POU2F3: variants seen among roughly 807,000 people sequenced by gnomAD.
The protein encoded by POU2F3 is POU class 2 homeobox 3.
A neutral mutation model predicts 59.2 loss-of-function variants in POU2F3; 23 were observed. The observed-to-expected ratio is 0.39, with a 90% CI of 0.28 to 0.55. POU2F3 has a LOEUF of 0.55. POU2F3 is among the 20% of genes least tolerant of loss of function. The probability of loss-of-function intolerance (pLI) is 0.66; values close to 1 mark genes in which losing one functional copy is unlikely to be tolerated. For missense variants in POU2F3, 473 were observed against 544.5 expected, an observed-to-expected ratio of 0.87 and a Z score of 1.31; for synonymous variants, 190 against 214.6, an observed-to-expected ratio of 0.89 and a Z score of 1.00.
chr11:120,259,040 C>T (rs1413108519), intron 2 of POU2F3: 1 of 152,260 alleles, frequency 6.6e-6, no homozygotes, highest in Non-Finnish European at 1.5e-5. Context: ...ATGCTGGGCT[C>T]CTCTGTAGCA....
Position 120,302,132 on chromosome 11 carries a change from G to A in POU2F3, c.362-154G>A, listed in dbSNP as rs772315022. ...TATGTGGCAATGCCTGGCAGTGCTA[G>A]GAGGGCCTCTCCATGGGACTTGAGG... On this transcript the variant is annotated intron_variant, in intron 5 of 12. Transcript: ENST00000543440. 2.3e-4 allele frequency: 143 copies of A among 627,924 alleles called. 1 individual carries two copies. The highest frequency in any genetic ancestry group is 4.4e-4 in the Admixed American group (16 of 36,426). The allele number at this position is 627,924 out of a possible 1,614,324, so 38.9% of individuals were successfully genotyped here.
chr11:120,249,242 C>G (rs1018014839), intron 2 of POU2F3, among the ~76,000 whole-genome samples: 4 of 152,220 alleles, frequency 2.6e-5, no homozygotes, highest in Non-Finnish European at 5.9e-5. Context: ...AAGGGACCAG[C>G]CAAAGCTCAG....
chr11:120,248,333 C>G (rs1430821665), intron 2 of POU2F3, among the ~76,000 whole-genome samples: 2 of 152,192 alleles, frequency 1.3e-5, no homozygotes, highest in East Asian at 3.8e-4. Context: ...TGCTTACTGG[C>G]TGCATGACCT....
In POU2F3 at chr11:120,307,475, G is replaced by T. The variant is rs1200964772; in HGVS notation, c.770-4G>T. The T allele has an allele frequency of 6.2e-7, 1 of 1,614,002 alleles. No individual in the cohort carries two copies. The highest frequency in any genetic ancestry group is 8.5e-7 in the Non-Finnish European group (1 of 1,179,910). On this transcript the variant is annotated splice_polypyrimidine_tract_variant and splice_region_variant and intron_variant, in intron 8 of 12. Coordinates refer to ENST00000543440, the MANE Select transcript of POU2F3 (RefSeq NM_014352.4). The stretch of plus-strand genomic sequence containing the variant: ...GCTTCCTCTGGTCCTTCGTGTCCCT[G>T]CAGAGTCCTCTCCGTCAGACCCCTC...
chr11:120,307,171 G>A (rs764422528), intron 8 of POU2F3, among the ~76,000 whole-genome samples: 6 of 152,210 alleles, frequency 3.9e-5, no homozygotes, highest in Admixed American at 6.5e-5. Flanking sequence ...ACCGATGCAT[G>A]AGCATCCCTC....
intron 3 of POU2F3, among the ~76,000 whole-genome samples, chr11:120,282,749 A>G (rs1388864389): frequency 6.6e-6 from 1 of 152,258 alleles, no homozygotes; most frequent in Non-Finnish European, 1.5e-5. Flanking sequence ...AATATCATCT[A>G]TAGGCTTTGC....
At chr11:120,304,448 C>T (rs1037620100) in intron 6 of POU2F3, 2 of 151,544 alleles carry the variant, frequency 1.3e-5, no homozygotes, top group Admixed American at 6.6e-5. Context: ...TGATTAAAAA[C>T]AAAACACTTT....
Position 120,246,567 on chromosome 11 carries a change from G to A in POU2F3, c.97+50G>A, listed in dbSNP as rs756475041. 1.9e-6 allele frequency: 3 copies of A among 1,582,428 alleles called. No individual in the cohort carries two copies. In the African/African-American group the frequency reaches 4.0e-5, roughly 21 times the overall value. ...TGGAGGGGGTGGGGGGAAGAGAGTT[G>A]TTGGGAATTGTTGAACAACTGGTGT... On this transcript the variant is annotated intron_variant, in intron 2 of 12. Coordinates refer to ENST00000543440, the MANE Select transcript of POU2F3 (RefSeq NM_014352.4).
chr11:120,239,119 CA>C (rs1938572401), upstream of POU2F3, among the ~76,000 whole-genome samples: 1 of 152,112 alleles, frequency 6.6e-6, no homozygotes, highest in Non-Finnish European at 1.5e-5. Flanking sequence ...CAGGAAAGCC[CA>C]AAACCTGTTC....
At chr11:120,313,098 G>A (rs555405786) in intron 10 of POU2F3, among the ~76,000 whole-genome samples, 15 of 152,248 alleles carry the variant, frequency 9.9e-5, no homozygotes, top group Middle Eastern at 3.4e-3. Flanking sequence ...GGAATCATAG[G>A]CCTTGTTAAG....
At chr11:120,257,638 G>A (rs150162022) in intron 2 of POU2F3, among the ~76,000 whole-genome samples, 103 of 152,152 alleles carry the variant, frequency 6.8e-4, no homozygotes, top group Middle Eastern at 3.4e-3. Flanking sequence ...CCCTGGCAGC[G>A]TCACACCACG....
chr11:120,265,550 A>G (rs1390223873), intron 2 of POU2F3: 1 of 152,262 alleles, frequency 6.6e-6, no homozygotes, highest in East Asian at 1.9e-4. Flanking sequence ...TCAGGGTGAG[A>G]TGCCTCTTGA....
chr11:120,307,697 C>A (rs1941537304), intron 9 of POU2F3, 82 bp downstream of exon 9: 12 of 1,555,608 alleles, frequency 7.7e-6, no homozygotes, highest in African/African-American at 1.4e-5. Flanking sequence ...CCCTTGGCAC[C>A]AGCCCCTCCG....
chr11:120,269,069 A>C, intron 2 of POU2F3, 141 bp from the exon 3 acceptor site: 1 of 598,008 alleles, frequency 1.7e-6, no homozygotes. Context: ...CAGGTCGAGG[A>C]GGAGGATCCC....
intron 10 of POU2F3, among the ~76,000 whole-genome samples, chr11:120,310,696 G>A (rs1941628660): frequency 6.6e-6 from 1 of 152,206 alleles, no homozygotes. Context: ...ACTGTAAGAT[G>A]GGTGAAATGC....
At position 120,271,525 on chromosome 11, in the gene POU2F3, C is replaced by T. The variant is rs547838077; in HGVS notation, c.132+2281C>T. Among the ~76,000 whole-genome samples, 9 of 152,362 alleles carry T rather than the reference C, an allele frequency of 5.9e-5. No individual in the cohort carries two copies. In the East Asian group the frequency reaches 1.7e-3, roughly 29 times the overall value. On this transcript the variant is annotated intron_variant, in intron 3 of 12. Coordinates refer to ENST00000543440, the MANE Select transcript of POU2F3 (RefSeq NM_014352.4). ...CAGGGCCCACCTCTCCTGGCCCCAGCCCCTTGGGACAAGATGCACGGGGAG... is the reference window on the plus strand; with the variant it reads ...CAGGGCCCACCTCTCCTGGCCCCAGTCCCTTGGGACAAGATGCACGGGGAG...
At position 120,318,802 on chromosome 11, in the gene POU2F3, T is replaced by C. The variant is rs951408675; in HGVS notation, c.*410T>C. ...TGCCAAACACCAGAAGGGGAGATAA[T>C]AGTTTTGACTCTGAACTTGGCCACA... On this transcript the variant is annotated 3_prime_UTR_variant, in exon 13 of 13. Transcript: ENST00000543440. The C allele has an allele frequency of 1.0e-5, 2 of 191,970 alleles. No homozygotes were observed. Among genetic ancestry groups the C allele is most frequent in the African/African-American group, 4.7e-5 (2 of 42,358 alleles). The allele number at this position is 191,970 out of a possible 1,614,324, so 11.9% of individuals were successfully genotyped here. A position where few individuals can be genotyped will look rare whatever the true frequency, so the allele number is the denominator to read the frequency against.
At chr11:120,278,923 T>A (rs916228208) in intron 3 of POU2F3, among the ~76,000 whole-genome samples, 4 of 152,098 alleles carry the variant, frequency 2.6e-5, no homozygotes, top group African/African-American at 7.2e-5. Flanking sequence ...TAAAAAAAGA[T>A]TAAATAACTC....
At chr11:120,301,118 C>T (rs1024801624) in intron 5 of POU2F3, 5 of 452,208 alleles carry the variant, frequency 1.1e-5, no homozygotes, top group African/African-American at 1.0e-4. Context: ...GGTGGAAAGA[C>T]ACTTCCAAAT....
Sources: allele counts gnomAD v4.1 joint callset (sites outside exome capture counted in the v4.1 genomes callset), GRCh38; gene constraint gnomAD v4.1.1; transcripts MANE v1.5; gene names NCBI Gene and HGNC (gene_info 2026-07-23, HGNC 2026-07-21).